Variants in DLG2 observed in about 807,000 individuals in gnomAD.
DLG2 encodes discs large MAGUK scaffold protein 2.
Under a neutral mutation model 132.5 loss-of-function variants are expected in DLG2, and 45 were observed. The ratio of observed to expected loss-of-function variants is 0.34; its 90% CI spans 0.27 to 0.44. DLG2 has a LOEUF of 0.44. Among genes scored for constraint, DLG2 ranks in the 20% least tolerant of loss-of-function variants. The probability of loss-of-function intolerance (pLI) is 1.00; values close to 1 mark genes in which losing one functional copy is unlikely to be tolerated. For synonymous variants in DLG2, 424 were observed against 419.6 expected (o/e 1.01, Z -0.13); for missense variants, 1,045 against 1,196.9 (o/e 0.87, Z 1.87).
intron 9 of DLG2, among the ~76,000 whole-genome samples, chr11:84,111,027 T>C (rs973389345): frequency 2.6e-5 from 4 of 152,206 alleles, no homozygotes; most frequent in African/African-American, 7.2e-5. Flanking sequence ...TTTCCTCCTC[T>C]ATATAATTCT....
At chr11:84,608,116 C>T (rs80087632) in intron 6 of DLG2, among the ~76,000 whole-genome samples, 6,338 of 152,210 alleles carry the variant, frequency 0.042, 191 homozygotes, top group Middle Eastern at 0.075. Context: ...GGAGACTGTG[C>T]GACTTTTGAC....
chr11:84,644,969 T>C (rs906597733), intron 6 of DLG2, among the ~76,000 whole-genome samples: 31 of 152,106 alleles, frequency 2.0e-4, no homozygotes, highest in African/African-American at 7.5e-4. Context: ...TTATAGAAAA[T>C]TCATACTGCA....
intron 3 of DLG2, among the ~76,000 whole-genome samples, chr11:85,539,354 G>C (rs1192114285): frequency 6.6e-6 from 1 of 152,158 alleles, no homozygotes; most frequent in African/African-American, 2.4e-5. Context: ...ATAAAACTTT[G>C]ATTAAATGAA....
At chr11:85,383,087 T>C (rs1401028519) in intron 3 of DLG2, among the ~76,000 whole-genome samples, 1 of 152,160 alleles carries the variant, frequency 6.6e-6, no homozygotes, top group Non-Finnish European at 1.5e-5. Flanking sequence ...CAAACTTTCA[T>C]CAGCTGATGA....
intron 14 of DLG2, among the ~76,000 whole-genome samples, chr11:83,934,957 G>T (rs796637560): frequency 5.3e-5 from 8 of 152,246 alleles, no homozygotes; most frequent in African/African-American, 1.9e-4. Flanking sequence ...ATTACAAAAA[G>T]ATGGATTTGG....
At chr11:84,937,602 G>T (rs2048903347) in intron 6 of DLG2, among the ~76,000 whole-genome samples, 1 of 152,104 alleles carries the variant, frequency 6.6e-6, no homozygotes, top group Admixed American at 6.6e-5. Flanking sequence ...GAAGATGGGG[G>T]AGAGGACATG....
chr11:83,574,355 C>A (rs1290168893), intron 19 of DLG2, among the ~76,000 whole-genome samples: 3 of 152,026 alleles, frequency 2.0e-5, no homozygotes, highest in Non-Finnish European at 4.4e-5. Flanking sequence ...TATGTAGGGA[C>A]TAAACTTATC....
At chr11:83,477,476 G>C (rs962272958) in intron 22 of DLG2, among the ~76,000 whole-genome samples, 3 of 152,050 alleles carry the variant, frequency 2.0e-5, no homozygotes, top group Non-Finnish European at 4.4e-5. Context: ...AGAAATTGAT[G>C]TTTGTGTGTA....
chr11:84,743,446 C>T (rs1237931292), intron 6 of DLG2, among the ~76,000 whole-genome samples: 1 of 152,050 alleles, frequency 6.6e-6, no homozygotes. Flanking sequence ...GCTATCAACC[C>T]ATCCATCCAT....
intron 10 of DLG2, among the ~76,000 whole-genome samples, chr11:84,061,629 G>C (rs759735872): frequency 2.6e-5 from 4 of 152,058 alleles, no homozygotes; most frequent in Non-Finnish European, 5.9e-5. Flanking sequence ...TGACTACAAT[G>C]ATAATATTAT....
intron 3 of DLG2, among the ~76,000 whole-genome samples, chr11:85,480,069 A>G (rs2093250222): frequency 6.6e-6 from 1 of 152,224 alleles, no homozygotes; most frequent in African/African-American, 2.4e-5. Context: ...AATACAGCCC[A>G]TAAGACTTAA....
intron 8 of DLG2, among the ~76,000 whole-genome samples, chr11:84,214,391 T>G (rs1033123420): frequency 6.6e-6 from 1 of 150,784 alleles, no homozygotes; most frequent in African/African-American, 2.4e-5. Flanking sequence ...ATGTTTTATA[T>G]ATGTGTAAAC....
At position 85,325,526 on chromosome 11, in the gene DLG2, C is replaced by CGGCAG. The variant is rs1462731602; in HGVS notation, c.41-40166_41-40162dup. On this transcript the variant is annotated intron_variant, in intron 3 of 27. Transcript: ENST00000376104. ...AGCAGGGGCACACTGACACCTCACA[C>CGGCAG]GGCAGGGTATTCCAACAGACCTGCA... Among the ~76,000 whole-genome samples the CGGCAG allele has an allele frequency of 1.8e-3, 245 of 132,872 alleles. 1 individual carries two copies. The highest frequency in any genetic ancestry group is 0.015 in the East Asian group (61 of 4,202). The allele number at this position is 132,872 out of a possible 152,430, so 87.2% of individuals were successfully genotyped here. A position where few individuals can be genotyped will look rare whatever the true frequency, so the allele number is the denominator to read the frequency against.
At chr11:85,609,732 C>T (rs1235268441) in intron 2 of DLG2, among the ~76,000 whole-genome samples, 1 of 152,118 alleles carries the variant, frequency 6.6e-6, no homozygotes, top group Non-Finnish European at 1.5e-5. Context: ...TCACTGAGCC[C>T]CGGATACGTT....
intron 6 of DLG2, among the ~76,000 whole-genome samples, chr11:84,690,281 C>A (rs2153723748): frequency 6.6e-6 from 1 of 151,808 alleles, no homozygotes; most frequent in Admixed American, 6.6e-5. Context: ...AAATAACATT[C>A]TTACCACAAA....
At chr11:84,946,254 C>A (rs1336539512) in intron 6 of DLG2, among the ~76,000 whole-genome samples, 2 of 152,132 alleles carry the variant, frequency 1.3e-5, no homozygotes, top group South Asian at 4.1e-4. Flanking sequence ...TCCCTTTATT[C>A]TTCCCTTTCC....
chr11:84,244,723 T>C (rs1224105473), intron 8 of DLG2, among the ~76,000 whole-genome samples: 1 of 152,206 alleles, frequency 6.6e-6, no homozygotes, highest in Non-Finnish European at 1.5e-5. Flanking sequence ...AATATAGTTT[T>C]AACAATGTCC....
At chr11:83,547,581 T>G (rs1358984847) in intron 19 of DLG2, among the ~76,000 whole-genome samples, 10 of 152,194 alleles carry the variant, frequency 6.6e-5, no homozygotes, top group African/African-American at 1.9e-4. Flanking sequence ...GGAATGGTTA[T>G]TAGGTTACAG....
intron 6 of DLG2, chr11:84,640,591 A>C (rs1429670329): frequency 3.9e-6 from 1 of 253,910 alleles, no homozygotes; most frequent in East Asian, 1.2e-4. Flanking sequence ...CAGCTACAGA[A>C]ACAAGATGCT....
Sources: allele counts gnomAD v4.1 joint callset (sites outside exome capture counted in the v4.1 genomes callset), GRCh38; gene constraint gnomAD v4.1.1; transcripts MANE v1.5; gene names NCBI Gene and HGNC (gene_info 2026-07-23, HGNC 2026-07-21).